The following SLC28A3 variants were observed in gnomAD, a reference collection of about 807,000 sequenced individuals.
SLC28A3 encodes the protein solute carrier family 28 member 3.
In SLC28A3, 68 loss-of-function variants were observed where a neutral mutation model predicts 84.2. That is an observed-to-expected ratio of 0.81 (90% CI 0.66 to 0.99). The LOEUF (loss-of-function observed/expected upper bound fraction) is 0.99, where lower values mean the gene tolerates loss of function less well. SLC28A3 is among the 50% of genes least tolerant of loss of function. SLC28A3 has a pLI of 0.00. For synonymous variants in SLC28A3, 267 were observed against 303.6 expected (o/e 0.88, Z 1.25); for missense variants, 712 against 841.5 (o/e 0.85, Z 1.90).
intron 1 of SLC28A3, among the ~76,000 whole-genome samples, chr9:84,318,776 G>T (rs7038502): frequency 6.6e-6 from 1 of 151,944 alleles, no homozygotes; most frequent in Non-Finnish European, 1.5e-5. Context: ...GGGTGAGACA[G>T]GAGAATCTCT....
At chr9:84,292,833 T>C in intron 9 of SLC28A3, 85 bp from the exon 10 acceptor site, 1 of 877,836 alleles carries the variant, frequency 1.1e-6, no homozygotes, top group Non-Finnish European at 1.7e-6. Context: ...CTTAAACTGG[T>C]GTAAAATATT....
intron 1 of SLC28A3, among the ~76,000 whole-genome samples, chr9:84,339,768 G>T (rs1415674688): frequency 6.6e-6 from 1 of 152,122 alleles, no homozygotes; most frequent in African/African-American, 2.4e-5. Context: ...TTGGGCTCTG[G>T]GAAGTTACAG....
chr9:84,333,952 G>C (rs903934138), intron 1 of SLC28A3, among the ~76,000 whole-genome samples: 3 of 152,232 alleles, frequency 2.0e-5, no homozygotes, highest in African/African-American at 7.2e-5. Flanking sequence ...TTACATGGCA[G>C]AATCCTGTGC....
chr9:84,279,369 A>AGT lies in SLC28A3; in HGVS notation c.1843_1844dup (p.Pro616LeufsTer11), dbSNP rs1392132356. 3 of 1,591,268 alleles carry AGT rather than the reference A, an allele frequency of 1.9e-6. No homozygotes were observed. Among genetic ancestry groups the AGT allele is most frequent in the African/African-American group, 2.7e-5 (2 of 74,038 alleles). ...CGTGATGGCAGTTGATGTCCACAGG[A>AGT]GTGCTGGAGAGTATGCCTAGAAGTG... On this transcript the variant is annotated frameshift_variant, in exon 17 of 18. Transcript: ENST00000376238. LOFTEE classifies it high-confidence loss of function.
chr9:84,280,327 C>T (rs1394123554), intron 15 of SLC28A3, among the ~76,000 whole-genome samples: 1 of 152,132 alleles, frequency 6.6e-6, no homozygotes, highest in African/African-American at 2.4e-5. Flanking sequence ...GAAGAAAAAC[C>T]TCCTAAGTTT....
chr9:84,366,204 A>G, the SLC28A3 span, among the ~76,000 whole-genome samples: 1 of 152,054 alleles, frequency 6.6e-6, no homozygotes, highest in Non-Finnish European at 1.5e-5. Context: ...TCAATATGCC[A>G]GTTGCATTTT....
the SLC28A3 span, among the ~76,000 whole-genome samples, chr9:84,354,361 A>G: frequency 6.6e-6 from 1 of 152,216 alleles, no homozygotes; most frequent in South Asian, 2.1e-4. Flanking sequence ...CCTGGCTGGT[A>G]AATACCATCC....
chr9:84,294,271 A>T lies in SLC28A3; in HGVS notation c.866T>A (p.Leu289Gln). ...YKDHFFAFKV[L>Q]PIVVFFSTVM... Reference sequence around the variant, plus strand: ...AGTGCTGAAGAAAACCACGATCGGCAGGACCTGTGGGGACAGAAACAAACA... The same window carrying T: ...AGTGCTGAAGAAAACCACGATCGGCTGGACCTGTGGGGACAGAAACAAACA... Residue 289 changes from leucine to glutamine, a missense_variant, in exon 9 of 18, where the codon CTG becomes CAG. Leu to Gln is a moderately radical substitution (Grantham distance 113). Coordinates refer to ENST00000376238, the MANE Select transcript of SLC28A3 (RefSeq NM_001199633.2). The T allele has an allele frequency of 6.2e-7, 1 of 1,614,156 alleles. No individual in the cohort carries two copies. Among genetic ancestry groups the T allele is most frequent in the African/African-American group, 1.3e-5 (1 of 75,072 alleles).
intron 6 of SLC28A3, 143 bp downstream of exon 6, chr9:84,299,438 G>A: frequency 9.8e-7 from 1 of 1,021,208 alleles, no homozygotes; most frequent in South Asian, 1.7e-5. Flanking sequence ...AGGAAGATAG[G>A]GCACCCTGGT....
intron 2 of SLC28A3, among the ~76,000 whole-genome samples, chr9:84,311,953 T>C (rs1482272909): frequency 6.6e-6 from 1 of 152,258 alleles, no homozygotes; most frequent in Non-Finnish European, 1.5e-5. Flanking sequence ...TTTTCCAGAA[T>C]GTCGTATAGT....
At chr9:84,329,252 G>A (rs902870429) in intron 1 of SLC28A3, among the ~76,000 whole-genome samples, 1 of 152,188 alleles carries the variant, frequency 6.6e-6, no homozygotes, top group South Asian at 2.1e-4. Flanking sequence ...CATGGGAGAA[G>A]TAGACAGTTC....
intron 12 of SLC28A3, among the ~76,000 whole-genome samples, chr9:84,287,386 G>GTT (rs35792928): frequency 1.3e-5 from 2 of 150,362 alleles, no homozygotes; most frequent in Non-Finnish European, 1.5e-5. Flanking sequence ...TTTCCACTCT[G>GTT]TTTTTTTTTC....
rs183407702 is a variant in SLC28A3, at chr9:84,288,352, G to A, written c.1150-174C>T. Among the ~76,000 whole-genome samples the A allele has an allele frequency of 5.3e-4, 80 of 152,222 alleles. 2 individuals carry two copies. Among genetic ancestry groups the A allele is most frequent in the African/African-American group, 1.9e-3 (80 of 41,526 alleles). Reference sequence around the variant, plus strand: ...ACTCTAGCTCATTGAGCCAAGTCGCGGGCATCACCTTGAGAGGCTGAGGGA... The same window carrying A: ...ACTCTAGCTCATTGAGCCAAGTCGCAGGCATCACCTTGAGAGGCTGAGGGA... On this transcript the variant is annotated intron_variant, in intron 11 of 17. Coordinates refer to ENST00000376238, the MANE Select transcript of SLC28A3 (RefSeq NM_001199633.2).
Position 84,291,333 on chromosome 9 carries a change from C to G in SLC28A3, c.1024-1054G>C, listed in dbSNP as rs1825211705. ...AAAGACTATGCTCCAGGCTAGTAAG[C>G]ATAGGTTTTTTTTCTTTTTTGAGAC... On this transcript the variant is annotated intron_variant, in intron 10 of 17. Transcript: ENST00000376238. Among the ~76,000 whole-genome samples the G allele has an allele frequency of 2.0e-5, 3 of 151,550 alleles. No individual in the cohort carries two copies. In the South Asian group the frequency reaches 6.3e-4, roughly 32 times the overall value.
the SLC28A3 span, among the ~76,000 whole-genome samples, chr9:84,348,654 A>G: frequency 1.3e-5 from 2 of 152,228 alleles, no homozygotes; most frequent in Non-Finnish European, 2.9e-5. Flanking sequence ...ATAAAGAGGT[A>G]GGATCTTTAA....
chr9:84,353,600 C>T, the SLC28A3 span, among the ~76,000 whole-genome samples: 1 of 152,120 alleles, frequency 6.6e-6, no homozygotes, highest in East Asian at 1.9e-4. Context: ...ATCCCAACTA[C>T]TTGGGAGGCT....
At chr9:84,307,820 G>A (rs1384383928) in intron 3 of SLC28A3, among the ~76,000 whole-genome samples, 5 of 152,194 alleles carry the variant, frequency 3.3e-5, no homozygotes, top group African/African-American at 7.2e-5. Context: ...TCTGCATAAA[G>A]CAGAGTAGCT....
intron 3 of SLC28A3, among the ~76,000 whole-genome samples, chr9:84,308,363 T>C (rs1299709829): frequency 6.6e-6 from 1 of 152,060 alleles, no homozygotes; most frequent in Non-Finnish European, 1.5e-5. Context: ...CTGGCCAACA[T>C]GGTGAAACCC....
At chr9:84,339,401 C>A (rs1470141874) in intron 1 of SLC28A3, among the ~76,000 whole-genome samples, 1 of 152,046 alleles carries the variant, frequency 6.6e-6, no homozygotes, top group Non-Finnish European at 1.5e-5. Flanking sequence ...AGGCATGTAC[C>A]ACCATGCCCG....
Sources: allele counts gnomAD v4.1 joint callset (sites outside exome capture counted in the v4.1 genomes callset), GRCh38; gene constraint gnomAD v4.1.1; transcripts MANE v1.5; gene names NCBI Gene and HGNC (gene_info 2026-07-23, HGNC 2026-07-21).